The following RIMBP2 variants were observed in gnomAD, a reference collection of about 807,000 sequenced individuals.
The protein encoded by RIMBP2 is RIMS binding protein 2.
A neutral mutation model predicts 118.6 loss-of-function variants in RIMBP2; 48 were observed. That is an observed-to-expected ratio of 0.40 (90% CI 0.32 to 0.51). The LOEUF (loss-of-function observed/expected upper bound fraction) is 0.51. Ranked by LOEUF, RIMBP2 falls within the 20% of genes least tolerant of loss-of-function variation. The pLI is 0.41. For synonymous variants in RIMBP2, 762 were observed against 742.9 expected, an observed-to-expected ratio of 1.03 and a Z score of -0.42; for missense variants, 1,551 against 1,768.3, an observed-to-expected ratio of 0.88 and a Z score of 2.20.
intron 1 of RIMBP2, among the ~76,000 whole-genome samples, chr12:130,634,981 GCA>G (rs899837344): frequency 6.6e-6 from 1 of 151,846 alleles, no homozygotes; most frequent in Non-Finnish European, 1.5e-5. Context: ...AGAATCCAGA[GCA>G]CACAAAAAAA....
At chr12:130,553,138 G>A (rs1482672103) in intron 2 of RIMBP2, among the ~76,000 whole-genome samples, 1 of 148,898 alleles carries the variant, frequency 6.7e-6, no homozygotes, top group East Asian at 2.0e-4. Flanking sequence ...GGGCAACAGA[G>A]CGAGACTCCA....
chr12:130,442,371 G>A lies in RIMBP2; in HGVS notation c.981C>T (p.Ala327=), dbSNP rs1227667114. Residue 327 remains alanine (A), a synonymous_variant, in exon 11 of 23, where the codon GCC becomes GCT. Transcript: ENST00000690449. This position sits in a 1 kb window ranked among gnomAD's most constrained non-coding sequence, Gnocchi z 6.9. The part of the protein sequence containing the change: ...PRKITLIKQL[A]KSVIVGWEPP... ...GCTCCCAGCCCACAATAACACTTTT[G>A]GCGAGTTGTTTGATGAGGGTGATTT... 6.2e-7 allele frequency: 1 copy of A among 1,614,038 alleles called. No homozygotes were observed. The highest frequency in any genetic ancestry group is 1.3e-5 in the African/African-American group (1 of 74,918).
chr12:130,590,879 G>GCTGT (rs1343804457), intron 2 of RIMBP2, among the ~76,000 whole-genome samples: 1 of 152,172 alleles, frequency 6.6e-6, no homozygotes, highest in African/African-American at 2.4e-5. Context: ...TGGCTGGCTG[G>GCTGT]CTAGGTGCAA....
chr12:130,685,836 A>G (rs1170977092), intron 1 of RIMBP2, among the ~76,000 whole-genome samples: 1 of 152,148 alleles, frequency 6.6e-6, no homozygotes, highest in Non-Finnish European at 1.5e-5. Context: ...TTGCCTTCTC[A>G]GAGATGAGCT....
intron 1 of RIMBP2, among the ~76,000 whole-genome samples, chr12:130,654,850 T>C (rs536129401): frequency 6.6e-6 from 1 of 152,312 alleles, no homozygotes; most frequent in South Asian, 2.1e-4. Context: ...GGAGCCAGCA[T>C]GTCACACAGT....
chr12:130,680,323 T>A (rs551675681), intron 1 of RIMBP2, among the ~76,000 whole-genome samples: 1 of 152,218 alleles, frequency 6.6e-6, no homozygotes, highest in South Asian at 2.1e-4. Flanking sequence ...AAGAGTAAGG[T>A]TGAGAAAGCT....
chr12:130,428,260 G>A lies in RIMBP2; in HGVS notation c.2331C>T (p.Asp777=), dbSNP rs200738479. Residue 777 remains aspartate (D), a synonymous_variant, in exon 15 of 23, where the codon GAC becomes GAT. Transcript: ENST00000690449. The part of the protein sequence containing the change: ...GSDLSDIMEE[D]EEELYSEMQL... The stretch of plus-strand genomic sequence containing the variant: ...GCATTTCAGAATACAGCTCCTCCTC[G>A]TCCTCCTCCATGATGTCTGAGAGGT... 4.6e-5 allele frequency: 74 copies of A among 1,613,348 alleles called. No individual in the cohort carries two copies. In the South Asian group the frequency reaches 5.1e-4, roughly 11 times the overall value.
chr12:130,568,128 G>A (rs189292223), intron 2 of RIMBP2, among the ~76,000 whole-genome samples: 50 of 152,338 alleles, frequency 3.3e-4, no homozygotes, highest in Non-Finnish European at 5.3e-4. Context: ...GTCAGCAACA[G>A]AAACGGCCTT....
chr12:130,646,289 A>G (rs1462023292), intron 1 of RIMBP2, among the ~76,000 whole-genome samples: 6 of 95,882 alleles, frequency 6.3e-5, no homozygotes, highest in African/African-American at 1.6e-4. Flanking sequence ...CTCCCTCACC[A>G]CCTGCCTCTC....
rs1458617869 is a variant in RIMBP2 at position 130,703,186 on chromosome 12, G to A, written c.-352+13036C>T. ...CAAAGTGGTCCGGCCTCCTAGCATG[G>A]GGGCAGCCAATTAACCAGGAGAGTC... On this transcript the variant is annotated intron_variant, in intron 1 of 22. Transcript: ENST00000690449. The surrounding 1 kb of genome is among the most constrained non-coding windows in gnomAD (Gnocchi z 5.7). 1.3e-5 allele frequency among the ~76,000 whole-genome samples: 2 copies of A among 152,068 alleles called. No homozygotes were observed. The highest frequency in any genetic ancestry group is 6.5e-5 in the Admixed American group (1 of 15,270).
At chr12:130,556,633 G>A (rs1210947061) in intron 2 of RIMBP2, among the ~76,000 whole-genome samples, 3 of 152,220 alleles carry the variant, frequency 2.0e-5, no homozygotes, top group African/African-American at 4.8e-5. Context: ...GCAGGGAGGT[G>A]CAGCTGCTGG....
At chr12:130,535,353 A>C (rs145982789) in intron 2 of RIMBP2, among the ~76,000 whole-genome samples, 1 of 68,264 alleles carries the variant, frequency 1.5e-5, no homozygotes. Context: ...TTAAAAAAAA[A>C]AATTGTTTTT....
At chr12:130,706,570 C>T (rs577262175) in intron 1 of RIMBP2, among the ~76,000 whole-genome samples, 1 of 152,272 alleles carries the variant, frequency 6.6e-6, no homozygotes, top group Non-Finnish European at 1.5e-5. Context: ...CTCCCCATGG[C>T]AGCATGGCGT....
At chr12:130,687,247 A>G (rs947568985) in intron 1 of RIMBP2, among the ~76,000 whole-genome samples, 2 of 152,184 alleles carry the variant, frequency 1.3e-5, no homozygotes, top group Non-Finnish European at 2.9e-5. Flanking sequence ...CCTCTTTCAG[A>G]TGTGAGTATC....
At chr12:130,629,368 G>A (rs1341679073) in intron 1 of RIMBP2, among the ~76,000 whole-genome samples, 1 of 152,196 alleles carries the variant, frequency 6.6e-6, no homozygotes, top group African/African-American at 2.4e-5. Flanking sequence ...GCATGAGTAA[G>A]ATCAAGGCCT....
chr12:130,412,844 A>G (rs2075822144), intron 18 of RIMBP2, 57 bp from the exon 19 acceptor site: 1 of 1,488,592 alleles, frequency 6.7e-7, no homozygotes. Context: ...CAGAAATACA[A>G]TAGTCCCACT....
At chr12:130,421,271 G>A (rs1280566489) in intron 17 of RIMBP2, among the ~76,000 whole-genome samples, 1 of 152,220 alleles carries the variant, frequency 6.6e-6, no homozygotes, top group African/African-American at 2.4e-5. Flanking sequence ...TAGCTGATCT[G>A]TAATAAGTGC....
rs79820088 is a variant in RIMBP2, at chr12:130,581,903, G to A, written c.-217+46419C>T. 0.022 allele frequency among the ~76,000 whole-genome samples: 3,306 copies of A among 152,082 alleles called. 147 individuals carry two copies. Among genetic ancestry groups the A allele is most frequent in the African/African-American group, 0.075 (3,123 of 41,444 alleles). On this transcript the variant is annotated intron_variant, in intron 2 of 22. Coordinates refer to ENST00000690449, the MANE Select transcript of RIMBP2 (RefSeq NM_001393629.1). The surrounding 1 kb of genome is among the most constrained non-coding windows in gnomAD (Gnocchi z 4.4). ...CATCTCAGAGTTAAACCAAAGGCCC[G>A]AAAGGCTCTGCATGACCTGGCCTCT...
chr12:130,458,105 T>G (rs1265718848), intron 6 of RIMBP2, among the ~76,000 whole-genome samples: 2 of 112,902 alleles, frequency 1.8e-5, no homozygotes, highest in African/African-American at 3.4e-5. Flanking sequence ...TCTTCATCCA[T>G]CCTCTCCCCC....
Sources: allele counts gnomAD v4.1 joint callset (sites outside exome capture counted in the v4.1 genomes callset), GRCh38; gene constraint gnomAD v4.1.1; non-coding constraint Gnocchi (gnomAD v3.1); transcripts MANE v1.5; gene names NCBI Gene and HGNC (gene_info 2026-07-23, HGNC 2026-07-21).